The following DGCR2 variants were observed in gnomAD, a reference collection of about 807,000 sequenced individuals.
DGCR2 encodes the protein DiGeorge syndrome critical region gene 2.
DGCR2 carries 24 observed loss-of-function variants against 51.6 expected under a neutral mutation model. That is an observed-to-expected ratio of 0.47 (90% CI 0.34 to 0.65). DGCR2 has a LOEUF of 0.65. DGCR2 is among the 30% of genes least tolerant of loss of function. The pLI, the probability that DGCR2 is intolerant of heterozygous loss-of-function variation, is 0.01. For synonymous variants in DGCR2, 340 were observed against 315.4 expected, an observed-to-expected ratio of 1.08 and a Z score of -0.82; for missense variants, 765 against 772.1, an observed-to-expected ratio of 0.99 and a Z score of 0.11.
chr22:19,060,601 G>C (rs966169644), intron 5 of DGCR2: 2 of 207,172 alleles, frequency 9.7e-6, no homozygotes, highest in African/African-American at 4.7e-5. Flanking sequence ...TGACGGGAAG[G>C]CCCTGGGAGC....
At chr22:19,056,646 G>A (rs1019992127) in intron 6 of DGCR2, 8 of 392,234 alleles carry the variant, frequency 2.0e-5, no homozygotes, top group African/African-American at 1.5e-4. Flanking sequence ...GGGGTGGGGA[G>A]GTGACAAACA....
At chr22:19,095,416 CTT>C (rs1274102956) in intron 1 of DGCR2, among the ~76,000 whole-genome samples, 3 of 152,112 alleles carry the variant, frequency 2.0e-5, no homozygotes, top group Non-Finnish European at 2.9e-5. Context: ...AATCCCAGCA[CTT>C]TGGGAGACCG....
At chr22:19,082,859 C>G (rs60617528) in intron 2 of DGCR2, among the ~76,000 whole-genome samples, 2,501 of 152,228 alleles carry the variant, frequency 0.016, 89 homozygotes, top group East Asian at 0.062. Flanking sequence ...GAAGCCGAAG[C>G]AGGCAGACTG....
At chr22:19,063,305 G>A (rs773679710) in intron 4 of DGCR2, 27 bp from the exon 5 acceptor site, 2 of 1,605,306 alleles carry the variant, frequency 1.2e-6, no homozygotes, top group East Asian at 2.2e-5. Flanking sequence ...CAGAGACAGA[G>A]ATCTCAGCGG....
rs1284953955 is a variant in DGCR2 at position 19,057,777 on chromosome 22, G to A, written c.626-615C>T. 6.6e-6 allele frequency among the ~76,000 whole-genome samples: 1 copy of A among 152,100 alleles called. No individual in the cohort carries two copies. Among genetic ancestry groups the A allele is most frequent in the Non-Finnish European group, 1.5e-5 (1 of 68,028 alleles). On this transcript the variant is annotated intron_variant, in intron 5 of 9. Coordinates refer to ENST00000263196, the MANE Select transcript of DGCR2 (RefSeq NM_005137.3). This position sits in a 1 kb window ranked among gnomAD's most constrained non-coding sequence, Gnocchi z 5.1. Reference sequence around the variant, plus strand: ...CAGCTCCTGCCTAAGCCAGGCACAAGGCAGTCAGAAACCGTGTACCCCTGC... The same window carrying A: ...CAGCTCCTGCCTAAGCCAGGCACAAAGCAGTCAGAAACCGTGTACCCCTGC...
chr22:19,074,923 C>T (rs556025537), intron 2 of DGCR2, among the ~76,000 whole-genome samples: 1 of 152,222 alleles, frequency 6.6e-6, no homozygotes, highest in South Asian at 2.1e-4. Flanking sequence ...TACCAACGTG[C>T]TGCAGCTGCA....
Position 19,122,122 on chromosome 22 carries a change from G to A in DGCR2, c.79+6C>T. ...GCCCCCACACCGCCCCCATCGCGCG[G>A]CGCACCTGGCCGCAGCGGCTCGGTG... On this transcript the variant is annotated splice_donor_region_variant and intron_variant, in intron 1 of 9. Coordinates refer to ENST00000263196, the MANE Select transcript of DGCR2 (RefSeq NM_005137.3). 6.7e-7 allele frequency: 1 copy of A among 1,489,868 alleles called. No individual in the cohort carries two copies. The highest frequency in any genetic ancestry group is 8.9e-7 in the Non-Finnish European group (1 of 1,118,858). 92.3% of individuals were successfully genotyped at this position (1,489,868 alleles called of 1,614,324 possible).
intron 8 of DGCR2, 38 bp downstream of exon 8, chr22:19,041,769 G>GA (rs1458015430): frequency 6.3e-7 from 1 of 1,597,044 alleles, no homozygotes; most frequent in South Asian, 1.1e-5. Context: ...CTGGGGTGGG[G>GA]ATGGGGACCA....
intron 2 of DGCR2, among the ~76,000 whole-genome samples, chr22:19,074,878 A>AG (rs1277182192): frequency 6.6e-6 from 1 of 152,116 alleles, no homozygotes; most frequent in Non-Finnish European, 1.5e-5. Context: ...ATTGTGACCC[A>AG]GGTTTCCCGC....
At position 19,064,882 on chromosome 22, in the gene DGCR2, G is replaced by T; in HGVS notation, c.514C>A (p.Pro172Thr). Residue 172 changes from proline (P) to threonine (T), a missense_variant, in exon 4 of 10, where the codon CCC becomes ACC. By Grantham distance (38) the Pro-to-Thr change is conservative (BLOSUM62 -1). Coordinates refer to ENST00000263196, the MANE Select transcript of DGCR2 (RefSeq NM_005137.3). ...RFVLAQEWDQPERSFGWKDQR... is the reference protein window; with the variant it reads ...RFVLAQEWDQTERSFGWKDQR... ...TCCTTCCAACCAAAGCTCCGCTCGG[G>T]CTGGTCCCATTCCTGGGCCAGGACA... 1 of 1,613,850 alleles carries T rather than the reference G, an allele frequency of 6.2e-7. No individual in the cohort carries two copies. Among genetic ancestry groups the T allele is most frequent in the South Asian group, 1.1e-5 (1 of 91,090 alleles).
chr22:19,066,442 AC>A (rs1341445929), intron 3 of DGCR2, among the ~76,000 whole-genome samples: 2 of 152,068 alleles, frequency 1.3e-5, no homozygotes, highest in East Asian at 3.9e-4. Context: ...ACAAAAAAAA[AC>A]AAAACAACAA....
At chr22:19,073,248 T>C (rs1463909657) in intron 2 of DGCR2, among the ~76,000 whole-genome samples, 4 of 151,920 alleles carry the variant, frequency 2.6e-5, no homozygotes, top group Non-Finnish European at 4.4e-5. Context: ...TGAGTGACAG[T>C]GAGACCTGTC....
chr22:19,040,539 G>A (rs971790253), intron 9 of DGCR2, among the ~76,000 whole-genome samples: 1 of 152,230 alleles, frequency 6.6e-6, no homozygotes. Context: ...CTTGAGGAAT[G>A]GCGCCCACTC....
At chr22:19,077,196 G>A (rs986814367) in intron 2 of DGCR2, among the ~76,000 whole-genome samples, 11 of 152,030 alleles carry the variant, frequency 7.2e-5, no homozygotes, top group African/African-American at 2.4e-4. Context: ...AAATTTTGAC[G>A]TAGCTTAATT....
chr22:19,089,604 G>A (rs2083056615), intron 1 of DGCR2, 114 bp from the exon 2 acceptor site: 1 of 1,219,004 alleles, frequency 8.2e-7, no homozygotes, highest in Admixed American at 3.6e-5. Flanking sequence ...TTTTGAGACA[G>A]AGTCTCATTC....
At chr22:19,074,825 A>G (rs117243903) in intron 2 of DGCR2, among the ~76,000 whole-genome samples, 1 of 152,066 alleles carries the variant, frequency 6.6e-6, no homozygotes, top group Non-Finnish European at 1.5e-5. Flanking sequence ...TTTACATCGG[A>G]GCTGCCGCTG....
intron 7 of DGCR2, chr22:19,047,293 G>T (rs2082500144): frequency 6.6e-6 from 1 of 152,254 alleles, no homozygotes. Flanking sequence ...GGACAGCTTT[G>T]TCCTCCCACC....
intron 9 of DGCR2, among the ~76,000 whole-genome samples, chr22:19,039,755 T>C (rs2082410905): frequency 6.6e-6 from 1 of 152,196 alleles, no homozygotes; most frequent in South Asian, 2.1e-4. Context: ...CTTAAAAGAT[T>C]GCACACTGGT....
chr22:19,089,327 G>C, intron 2 of DGCR2, 41 bp downstream of exon 2: 3 of 1,522,852 alleles, frequency 2.0e-6, no homozygotes, highest in Non-Finnish European at 1.8e-6. Context: ...CTACAACAAA[G>C]AGACAAGGTG....
Sources: allele counts gnomAD v4.1 joint callset (sites outside exome capture counted in the v4.1 genomes callset), GRCh38; gene constraint gnomAD v4.1.1; non-coding constraint Gnocchi (gnomAD v3.1); transcripts MANE v1.5; gene names NCBI Gene and HGNC (gene_info 2026-07-23, HGNC 2026-07-21).